Variants in LAMC1 observed in about 807,000 individuals in gnomAD.
LAMC1 encodes laminin subunit gamma-1.
A neutral mutation model predicts 173.6 loss-of-function variants in LAMC1; 38 were observed. The observed-to-expected ratio is 0.22, with a 90% CI of 0.17 to 0.29. The LOEUF is 0.29. LAMC1 is among the 10% of genes least tolerant of loss of function. The pLI, the probability that LAMC1 is intolerant of heterozygous loss-of-function variation, is 1.00. For synonymous variants in LAMC1, 746 were observed against 749.1 expected (o/e 1.00, Z 0.07); for missense variants, 1,824 against 2,051.8 (o/e 0.89, Z 2.14).
chr1:183,118,199 A>T, intron 11 of LAMC1, 53 bp downstream of exon 11: 1 of 1,079,204 alleles, frequency 9.3e-7, no homozygotes, highest in South Asian at 1.3e-5. Flanking sequence ...TTGGTTAGAA[A>T]GATTCATGAT....
At chr1:183,098,627 ACT>A (rs1655754569) in intron 1 of LAMC1, among the ~76,000 whole-genome samples, 1 of 152,006 alleles carries the variant, frequency 6.6e-6, no homozygotes, top group African/African-American at 2.4e-5. Context: ...AAGTTTCTAC[ACT>A]CTGTTCAAAT....
At chr1:183,106,843 T>C (rs1392463317) in intron 2 of LAMC1, among the ~76,000 whole-genome samples, 2 of 152,150 alleles carry the variant, frequency 1.3e-5, no homozygotes, top group Non-Finnish European at 2.9e-5. Flanking sequence ...GGAAGTGATC[T>C]GGGAGGGTGA....
chr1:183,071,537 T>C (rs1655011225), intron 1 of LAMC1, among the ~76,000 whole-genome samples: 2 of 116,488 alleles, frequency 1.7e-5, no homozygotes, highest in Admixed American at 2.0e-4. Flanking sequence ...AATCAATCTT[T>C]ATGGTAGTTT....
intron 2 of LAMC1, among the ~76,000 whole-genome samples, chr1:183,107,653 AC>A (rs1163436338): frequency 6.6e-6 from 1 of 151,958 alleles, no homozygotes; most frequent in African/African-American, 2.4e-5. Context: ...ACACGGTGAA[AC>A]CCTGTCTCTA....
Position 183,117,517 on chromosome 1 carries a change from T to C in LAMC1, c.1688-17T>C. The C allele has an allele frequency of 6.2e-7, 1 of 1,613,132 alleles. No individual in the cohort carries two copies. The highest frequency in any genetic ancestry group is 8.5e-7 in the Non-Finnish European group (1 of 1,179,216). On this transcript the variant is annotated splice_polypyrimidine_tract_variant and intron_variant, in intron 9 of 27. Transcript: ENST00000258341. The stretch of plus-strand genomic sequence containing the variant: ...CTCAGTCTCACATTCTTGCCCACCA[T>C]TGTGTCTGTATTCCAGCAAAGTTCT...
At chr1:183,114,752 A>G in intron 5 of LAMC1, 33 bp downstream of exon 5, 3 of 1,598,526 alleles carry the variant, frequency 1.9e-6, no homozygotes, top group African/African-American at 2.7e-5. Flanking sequence ...GAAAGACAAA[A>G]TGATAGTTCC....
At position 183,131,383 on chromosome 1, in the gene LAMC1, C is replaced by T. The variant is rs372785919; in HGVS notation, c.3566+5C>T. ...GGCTCGAAAGCTTGCTGAACGGTAA[C>T]TTCTAGATCCCTGTTTAATGGTTAA... is the stretch of plus-strand genomic sequence containing the variant. On this transcript the variant is annotated splice_donor_5th_base_variant and intron_variant, in intron 20 of 27. Coordinates refer to ENST00000258341, the MANE Select transcript of LAMC1 (RefSeq NM_002293.4). The T allele has an allele frequency of 5.0e-6, 8 of 1,603,060 alleles. No individual in the cohort carries two copies. The African/African-American group carries it at 1.1e-4, about 22-fold the overall frequency.
intron 1 of LAMC1, among the ~76,000 whole-genome samples, chr1:183,039,783 T>A (rs2102014018): frequency 6.6e-6 from 1 of 152,340 alleles, no homozygotes; most frequent in East Asian, 1.9e-4. Context: ...TTAACATACT[T>A]CCCAGATGTT....
At chr1:183,133,619 T>C in intron 22 of LAMC1, 69 bp downstream of exon 22, 3 of 1,409,210 alleles carry the variant, frequency 2.1e-6, no homozygotes, top group East Asian at 4.8e-5. Flanking sequence ...AGCCGACTGC[T>C]CTGCACCTCC....
intron 1 of LAMC1, among the ~76,000 whole-genome samples, chr1:183,102,596 T>C (rs1272897568): frequency 6.6e-6 from 1 of 152,244 alleles, no homozygotes; most frequent in Non-Finnish European, 1.5e-5. Context: ...TGCAGGGAAC[T>C]GTCTGCCCCA....
intron 1 of LAMC1, among the ~76,000 whole-genome samples, chr1:183,037,317 C>A (rs1451578442): frequency 2.0e-5 from 3 of 146,950 alleles, no homozygotes; most frequent in Non-Finnish European, 4.5e-5. Context: ...TTATCCATGA[C>A]TTCTTTCTGG....
chr1:183,116,796 C>T lies in LAMC1; in HGVS notation c.1457C>T (p.Ser486Leu), dbSNP rs745958361. 5.6e-6 allele frequency: 9 copies of T among 1,614,012 alleles called. No homozygotes were observed. The Admixed American group carries it at 1.5e-4, about 27-fold the overall frequency. ...RCKPGFFNLESSNPRGCTPCF... is the reference protein window; with the variant it reads ...RCKPGFFNLELSNPRGCTPCF... ...AAACCTGGATTTTTTAATCTGGAAT[C>T]ATCTAATCCTCGGGGTTGCACACCC... The change falls in exon 8 of 28, where the codon TCA becomes TTA. Residue 486 changes from serine to leucine, a missense_variant. Physicochemically the swap from Ser to Leu is moderately radical, Grantham distance 145. Coordinates refer to ENST00000258341, the MANE Select transcript of LAMC1 (RefSeq NM_002293.4).
chr1:183,116,727 G>A lies in LAMC1; in HGVS notation c.1428-40G>A, dbSNP rs752575507. On this transcript the variant is annotated intron_variant, in intron 7 of 27. Transcript: ENST00000258341. ...TGTGTTTTCTGTTACCATATTTCAA[G>A]TAAAAAAAAAGTAACTGATTGTGTC... The A allele has an allele frequency of 1.9e-6, 3 of 1,609,854 alleles. No homozygotes were observed. The South Asian group carries it at 3.3e-5, about 18-fold the overall frequency.
chr1:183,124,757 A>G lies in LAMC1; in HGVS notation c.2528A>G (p.Asn843Ser), dbSNP rs753455592. Reference sequence around the variant, plus strand: ...GATCCCAATGCAGTTGGAAATTGCAATCGCTTGACGGGAGAATGCCTGAAG... The same window carrying G: ...GATCCCAATGCAGTTGGAAATTGCAGTCGCTTGACGGGAGAATGCCTGAAG... ...NIDPNAVGNC[N>S]RLTGECLKCI... is the part of the protein sequence containing the mutation. Residue 843 changes from asparagine (N) to serine (S), a missense_variant, in exon 14 of 28, where the codon AAT becomes AGT. Transcript: ENST00000258341. 2.4e-5 allele frequency: 38 copies of G among 1,614,098 alleles called. 1 individual carries two copies. The highest frequency in any genetic ancestry group is 3.3e-5 in the South Asian group (3 of 91,088).
chr1:183,142,611 G>T lies in LAMC1; in HGVS notation c.4651G>T (p.Val1551Phe), dbSNP rs373219094. Residue 1551 changes from valine (V) to phenylalanine (F), a missense_variant, in exon 28 of 28, where the codon GTC (valine) becomes TTC (phenylalanine). Val to Phe is a conservative substitution (Grantham distance 50, BLOSUM62 -1). Transcript: ENST00000258341. ...TLNKAKDEMK[V>F]SDLDRKVSDL... ...AAACAAAGCCAAAGATGAAATGAAG[G>T]TCAGCGATCTTGATAGGAAAGTGTC... 15 of 1,614,074 alleles carry T rather than the reference G, an allele frequency of 9.3e-6. No homozygotes were observed. Among genetic ancestry groups the T allele is most frequent in the Non-Finnish European group, 1.3e-5 (15 of 1,179,954 alleles).
At position 183,117,650 on chromosome 1, in the gene LAMC1, T is replaced by A. The variant is rs1342185850; in HGVS notation, c.1804T>A (p.Leu602Ile). Residue 602 changes from leucine to isoleucine, a missense_variant, in exon 10 of 28, where the codon TTA becomes ATA. By Grantham distance (5) the Leu-to-Ile change is conservative. Coordinates refer to ENST00000258341, the MANE Select transcript of LAMC1 (RefSeq NM_002293.4). The part of the protein sequence containing the change: ...AEDLVLEGAG[L>I]RVSVPLIAQG... ...AGACCTTGTGCTTGAGGGAGCTGGC[T>A]TAAGAGTATCTGTACCCTTGATCGC... 6.2e-7 allele frequency: 1 copy of A among 1,614,238 alleles called. No homozygotes were observed.
At chr1:183,087,970 T>C (rs1031194681) in intron 1 of LAMC1, among the ~76,000 whole-genome samples, 1 of 151,856 alleles carries the variant, frequency 6.6e-6, no homozygotes, top group African/African-American at 2.4e-5. Context: ...TGCCTCACCA[T>C]GCCCAGCTAA....
At chr1:183,093,222 C>A (rs1655609949) in intron 1 of LAMC1, among the ~76,000 whole-genome samples, 1 of 152,136 alleles carries the variant, frequency 6.6e-6, no homozygotes, top group African/African-American at 2.4e-5. Context: ...TTGTGCCCAG[C>A]ATTCTCTATG....
At chr1:183,127,174 T>A in intron 16 of LAMC1, 52 bp from the exon 17 acceptor site, 2 of 1,529,910 alleles carry the variant, frequency 1.3e-6, no homozygotes, top group Non-Finnish European at 1.8e-6. Flanking sequence ...AATTAAGAGA[T>A]ATACTCTTCC....
Sources: allele counts gnomAD v4.1 joint callset (sites outside exome capture counted in the v4.1 genomes callset), GRCh38; gene constraint gnomAD v4.1.1; transcripts MANE v1.5; gene names NCBI Gene and HGNC (gene_info 2026-07-23, HGNC 2026-07-21).